Variants in ADAMTSL1 observed in about 807,000 individuals in gnomAD.
ADAMTSL1 encodes the protein ADAMTS-like protein 1.
ADAMTSL1 carries 126 observed loss-of-function variants against 201.8 expected under a neutral mutation model. The observed-to-expected ratio is 0.62, with a 90% CI of 0.54 to 0.72. The LOEUF (loss-of-function observed/expected upper bound fraction) is 0.72, where lower values mean the gene tolerates loss of function less well. ADAMTSL1 is among the 30% of genes least tolerant of loss of function. ADAMTSL1 has a pLI of 0.00. For missense variants in ADAMTSL1, 2,679 were observed against 2,277.8 expected (o/e 1.18, Z -3.59); for synonymous variants, 1,121 against 903.4 (o/e 1.24, Z -4.32).
intron 1 of ADAMTSL1, among the ~76,000 whole-genome samples, chr9:18,026,355 G>C (rs1014711700): frequency 6.6e-6 from 1 of 151,948 alleles, no homozygotes; most frequent in Admixed American, 6.6e-5. Context: ...GTCATAGACG[G>C]CTCATATTAT....
intron 2 of ADAMTSL1, among the ~76,000 whole-genome samples, chr9:18,510,771 A>T (rs1320179326): frequency 6.6e-6 from 1 of 151,994 alleles, no homozygotes; most frequent in African/African-American, 2.4e-5. Flanking sequence ...TTAATTAGAA[A>T]AGAGACTATA....
At chr9:17,938,761 A>G (rs1005600037) in intron 1 of ADAMTSL1, among the ~76,000 whole-genome samples, 2 of 152,252 alleles carry the variant, frequency 1.3e-5, no homozygotes, top group Middle Eastern at 3.4e-3. Flanking sequence ...GAACTCTGGG[A>G]TTGGTGACCA....
At chr9:18,906,652 C>T (rs752698046) in intron 27 of ADAMTSL1, 40 bp from the exon 28 acceptor site, 1 of 1,484,362 alleles carries the variant, frequency 6.7e-7, no homozygotes, top group South Asian at 1.3e-5. Flanking sequence ...ATTCAGCCCC[C>T]ACAGAAGCAA....
chr9:18,204,032 G>A (rs555018491), intron 2 of ADAMTSL1, among the ~76,000 whole-genome samples: 38 of 152,122 alleles, frequency 2.5e-4, no homozygotes, highest in Non-Finnish European at 5.4e-4. Context: ...TGAGCAGGGC[G>A]CTAAGTATCA....
chr9:17,994,316 TTCTA>T (rs1471161989), intron 1 of ADAMTSL1, among the ~76,000 whole-genome samples: 1 of 152,140 alleles, frequency 6.6e-6, no homozygotes, highest in African/African-American at 2.4e-5. Context: ...CAAATAACTT[TTCTA>T]TCTTTTTTTC....
At chr9:18,029,534 A>G (rs941202132) in intron 1 of ADAMTSL1, among the ~76,000 whole-genome samples, 3 of 152,356 alleles carry the variant, frequency 2.0e-5, no homozygotes, top group Admixed American at 1.3e-4. Flanking sequence ...AACAAAAGCC[A>G]GAATTGACAA....
intron 20 of ADAMTSL1, among the ~76,000 whole-genome samples, chr9:18,805,052 G>T (rs535081972): frequency 2.5e-4 from 38 of 152,244 alleles, no homozygotes; most frequent in African/African-American, 8.7e-4. Context: ...GTTTTAAACT[G>T]ATATTTGGAT....
chr9:18,644,642 GT>G (rs1208756829), intron 7 of ADAMTSL1, among the ~76,000 whole-genome samples: 1 of 151,582 alleles, frequency 6.6e-6, no homozygotes, highest in African/African-American at 2.4e-5. Flanking sequence ...GCAGTGTTTG[GT>G]TTTTTGTCCT....
At position 18,757,158 on chromosome 9, in the gene ADAMTSL1, G is replaced by A. The variant is rs143924874; in HGVS notation, c.2217+3650G>A. Among the ~76,000 whole-genome samples the A allele has an allele frequency of 3.3e-5, 5 of 152,196 alleles. No individual in the cohort carries two copies. The East Asian group carries it at 7.7e-4, about 23-fold the overall frequency. On this transcript the variant is annotated intron_variant, in intron 16 of 28. Coordinates refer to ENST00000380548, the MANE Select transcript of ADAMTSL1 (RefSeq NM_001040272.6). ...CTTTTCCTCTCTGGTCTGTGGGAAG[G>A]ATTCATTTCATATTTATCCTTACCA...
chr9:18,405,906 G>T (rs1818172535), intron 2 of ADAMTSL1, among the ~76,000 whole-genome samples: 1 of 152,044 alleles, frequency 6.6e-6, no homozygotes, highest in Non-Finnish European at 1.5e-5. Flanking sequence ...AATTACTCTT[G>T]GGAACTATTT....
chr9:18,640,741 C>G (rs556493842), intron 7 of ADAMTSL1, among the ~76,000 whole-genome samples: 1 of 152,116 alleles, frequency 6.6e-6, no homozygotes, highest in African/African-American at 2.4e-5. Flanking sequence ...CTTCTATATG[C>G]CACCGGTCAG....
intron 1 of ADAMTSL1, among the ~76,000 whole-genome samples, chr9:18,006,085 C>CG (rs1819809521): frequency 1.3e-5 from 2 of 150,190 alleles, no homozygotes; most frequent in African/African-American, 2.4e-5. Flanking sequence ...AACCACCACT[C>CG]GGGAAAAAAA....
At chr9:18,085,795 A>T (rs182481797) in intron 1 of ADAMTSL1, among the ~76,000 whole-genome samples, 1 of 151,414 alleles carries the variant, frequency 6.6e-6, no homozygotes, top group Non-Finnish European at 1.5e-5. Context: ...ACACACACAC[A>T]TGCACACACA....
chr9:18,034,383 T>C (rs1003699077), intron 1 of ADAMTSL1, among the ~76,000 whole-genome samples: 2 of 152,088 alleles, frequency 1.3e-5, no homozygotes, highest in African/African-American at 4.8e-5. Flanking sequence ...CAAACTCTCC[T>C]CTCTGGCCAT....
chr9:18,699,621 T>G (rs954562644), intron 13 of ADAMTSL1, among the ~76,000 whole-genome samples: 1 of 152,212 alleles, frequency 6.6e-6, no homozygotes, highest in South Asian at 2.1e-4. Flanking sequence ...TGAGCCATAG[T>G]GCCTGGCCAC....
At chr9:18,325,702 G>C (rs574174442) in intron 2 of ADAMTSL1, among the ~76,000 whole-genome samples, 1 of 150,562 alleles carries the variant, frequency 6.6e-6, no homozygotes, top group Non-Finnish European at 1.5e-5. Context: ...GATAGTGTAA[G>C]CTAGCTAGGT....
At chr9:18,386,493 T>C (rs1256850797) in intron 2 of ADAMTSL1, among the ~76,000 whole-genome samples, 1 of 152,180 alleles carries the variant, frequency 6.6e-6, no homozygotes, top group Non-Finnish European at 1.5e-5. Context: ...AATTTTAAAA[T>C]GTTTCTCTCC....
At chr9:18,514,620 A>G (rs1039441105) in intron 2 of ADAMTSL1, among the ~76,000 whole-genome samples, 2 of 151,990 alleles carry the variant, frequency 1.3e-5, no homozygotes, top group African/African-American at 4.8e-5. Context: ...GTGAGCCACC[A>G]CGCCCAGCCT....
intron 2 of ADAMTSL1, among the ~76,000 whole-genome samples, chr9:18,325,280 A>G (rs970394722): frequency 6.6e-6 from 1 of 152,228 alleles, no homozygotes; most frequent in Non-Finnish European, 1.5e-5. Flanking sequence ...CCACAAAAAG[A>G]CATGCACAAA....
Sources: allele counts gnomAD v4.1 joint callset (sites outside exome capture counted in the v4.1 genomes callset), GRCh38; gene constraint gnomAD v4.1.1; transcripts MANE v1.5; gene names NCBI Gene and HGNC (gene_info 2026-07-23, HGNC 2026-07-21).